The following ASCC2 variants were observed in gnomAD, a reference collection of about 807,000 sequenced individuals.
The protein encoded by ASCC2 is ASC-1 complex subunit P100.
Under a neutral mutation model 93.5 loss-of-function variants are expected in ASCC2, and 42 were observed. That is an observed-to-expected ratio of 0.45 (90% CI 0.35 to 0.58). ASCC2 has a LOEUF of 0.58. Ranked by LOEUF, ASCC2 falls within the 20% of genes least tolerant of loss-of-function variation. ASCC2 has a pLI of 0.00. For missense variants in ASCC2, 859 were observed against 977.6 expected (o/e 0.88, Z 1.62); for synonymous variants, 364 against 384.2 (o/e 0.95, Z 0.62).
intron 5 of ASCC2, among the ~76,000 whole-genome samples, chr22:29,817,345 C>T (rs1446122080): frequency 6.6e-6 from 1 of 152,154 alleles, no homozygotes; most frequent in Non-Finnish European, 1.5e-5. Flanking sequence ...AGTCCAAACT[C>T]CTGACCATGG....
chr22:29,835,497 G>A (rs2063666284), intron 1 of ASCC2, among the ~76,000 whole-genome samples: 1 of 152,136 alleles, frequency 6.6e-6, no homozygotes, highest in African/African-American at 2.4e-5. Context: ...TGGTGTGGTG[G>A]TAGGGAGAGA....
chr22:29,790,757 G>T (rs541415160), intron 18 of ASCC2, among the ~76,000 whole-genome samples: 1 of 152,322 alleles, frequency 6.6e-6, no homozygotes, highest in East Asian at 1.9e-4. Context: ...CCTCTTCCCT[G>T]AGCGGGTGGC....
chr22:29,798,540 G>C (rs1314731682), intron 15 of ASCC2, among the ~76,000 whole-genome samples: 1 of 152,196 alleles, frequency 6.6e-6, no homozygotes, highest in Non-Finnish European at 1.5e-5. Context: ...ACCAAGCCTA[G>C]ACGGCCCTAC....
At chr22:29,822,576 G>T in intron 4 of ASCC2, 112 bp from the exon 5 acceptor site, 2 of 1,268,010 alleles carry the variant, frequency 1.6e-6, no homozygotes, top group Non-Finnish European at 2.2e-6. Context: ...ACTGGTTAAT[G>T]ATGCCTTATG....
At chr22:29,831,470 A>G (rs547446995) in intron 2 of ASCC2, among the ~76,000 whole-genome samples, 5 of 152,232 alleles carry the variant, frequency 3.3e-5, no homozygotes, top group Non-Finnish European at 7.3e-5. Flanking sequence ...CAAGTACTGT[A>G]TAAATGTCAG....
chr22:29,798,654 C>T (rs1182776979), intron 15 of ASCC2, among the ~76,000 whole-genome samples: 1 of 152,224 alleles, frequency 6.6e-6, no homozygotes, highest in Non-Finnish European at 1.5e-5. Flanking sequence ...CCACTACCAT[C>T]TGCAGCGTCC....
Position 29,835,116 on chromosome 22 carries a change from G to A in ASCC2, c.-17-2774C>T, listed in dbSNP as rs1223769381. On this transcript the variant is annotated intron_variant, in intron 1 of 19. Coordinates refer to ENST00000307790, the MANE Select transcript of ASCC2 (RefSeq NM_032204.5). ...GCATTTGCTTTCAGAAGAAATTCAC[G>A]GCCAGGTGCAGTGGCTCATGCCTGT... is the stretch of plus-strand genomic sequence containing the variant. 3.3e-5 allele frequency among the ~76,000 whole-genome samples: 5 copies of A among 152,290 alleles called. No homozygotes were observed. The South Asian group carries it at 6.2e-4, about 19-fold the overall frequency.
chr22:29,821,471 C>T (rs938971929), intron 5 of ASCC2, among the ~76,000 whole-genome samples: 2 of 152,246 alleles, frequency 1.3e-5, no homozygotes, highest in African/African-American at 4.8e-5. Context: ...AAGTCCCCTA[C>T]ATTTTAACCT....
At chr22:29,827,978 CA>C (rs1273047841) in intron 2 of ASCC2, among the ~76,000 whole-genome samples, 17 of 143,054 alleles carry the variant, frequency 1.2e-4, no homozygotes, top group Non-Finnish European at 2.0e-4. Context: ...CACACACACA[CA>C]CCCCTGAGAT....
chr22:29,805,556 G>T (rs1354017275), intron 12 of ASCC2, among the ~76,000 whole-genome samples: 1 of 152,132 alleles, frequency 6.6e-6, no homozygotes, highest in Non-Finnish European at 1.5e-5. Flanking sequence ...AGCGCTTGCA[G>T]GACAGAGCCC....
At chr22:29,836,063 G>A (rs780766864) in intron 1 of ASCC2, among the ~76,000 whole-genome samples, 2 of 152,076 alleles carry the variant, frequency 1.3e-5, no homozygotes, top group African/African-American at 2.4e-5. Flanking sequence ...GGGAAGCCAC[G>A]GAAGGAGAAT....
chr22:29,833,524 C>T, intron 1 of ASCC2: 1 of 462,486 alleles, frequency 2.2e-6, no homozygotes, highest in Non-Finnish European at 4.4e-6. Context: ...CTCCTTTCTA[C>T]AAAGGCACAA....
intron 1 of ASCC2, among the ~76,000 whole-genome samples, chr22:29,833,252 T>C (rs1194714748): frequency 6.6e-6 from 1 of 152,166 alleles, no homozygotes; most frequent in Non-Finnish European, 1.5e-5. Context: ...CACCAAATGT[T>C]TGAAGAATGA....
intron 1 of ASCC2, chr22:29,833,741 G>A: frequency 2.5e-6 from 1 of 396,388 alleles, no homozygotes; most frequent in Non-Finnish European, 5.1e-6. Context: ...CAGAGGCTGG[G>A]GTGATTAAAC....
At chr22:29,836,127 C>T (rs950952114) in intron 1 of ASCC2, among the ~76,000 whole-genome samples, 7 of 152,142 alleles carry the variant, frequency 4.6e-5, no homozygotes, top group African/African-American at 1.7e-4. Context: ...TCACTGAACT[C>T]CAGCCTAGGG....
At chr22:29,827,757 G>GACACACACACACACACACACACACAC (rs35763537) in intron 2 of ASCC2, among the ~76,000 whole-genome samples, 1 of 100,934 alleles carries the variant, frequency 9.9e-6, no homozygotes, top group East Asian at 3.3e-4. Context: ...TCATTCTCCC[G>GACACACACACACACACACACACACAC]ACACACACAC....
At chr22:29,806,055 A>C (rs1319455091) in intron 12 of ASCC2, among the ~76,000 whole-genome samples, 161 bp downstream of exon 12, 1 of 152,026 alleles carries the variant, frequency 6.6e-6, no homozygotes, top group Non-Finnish European at 1.5e-5. Flanking sequence ...TCTCCTCTAG[A>C]AAAGGCAAGG....
chr22:29,793,114 C>T (rs931225344), intron 17 of ASCC2, among the ~76,000 whole-genome samples: 14 of 152,082 alleles, frequency 9.2e-5, no homozygotes, highest in African/African-American at 9.7e-5. Flanking sequence ...ATTCCATCAC[C>T]GCACTCCAGC....
chr22:29,813,376 A>T, intron 8 of ASCC2, 54 bp downstream of exon 8: 1 of 1,235,792 alleles, frequency 8.1e-7, no homozygotes, highest in Non-Finnish European at 1.2e-6. Context: ...AATATTTGTT[A>T]AATTAGTACA....
Sources: allele counts gnomAD v4.1 joint callset (sites outside exome capture counted in the v4.1 genomes callset), GRCh38; gene constraint gnomAD v4.1.1; transcripts MANE v1.5; gene names NCBI Gene and HGNC (gene_info 2026-07-23, HGNC 2026-07-21).